NRXN3: variants seen among roughly 807,000 people sequenced by gnomAD.
The protein encoded by NRXN3 is neurexin 3.
NRXN3 carries 32 observed loss-of-function variants against 137.6 expected under a neutral mutation model. The observed-to-expected ratio is 0.23, with a 90% CI of 0.18 to 0.31. The LOEUF (loss-of-function observed/expected upper bound fraction) is 0.31, where lower values mean the gene tolerates loss of function less well. NRXN3 is among the 10% of genes least tolerant of loss of function. The probability of loss-of-function intolerance (pLI) is 1.00; values close to 1 mark genes in which losing one functional copy is unlikely to be tolerated. For synonymous variants in NRXN3, 798 were observed against 784.5 expected, an observed-to-expected ratio of 1.02 and a Z score of -0.29; for missense variants, 1,574 against 2,062.5, an observed-to-expected ratio of 0.76 and a Z score of 4.59.
intron 4 of NRXN3, among the ~76,000 whole-genome samples, chr14:78,418,628 A>C (rs1208573671): frequency 6.6e-6 from 1 of 152,164 alleles, no homozygotes; most frequent in African/African-American, 2.4e-5. Flanking sequence ...AGGAGGAAAA[A>C]GGTAGGCTGC....
chr14:78,475,419 C>T (rs2095362038), intron 4 of NRXN3, among the ~76,000 whole-genome samples: 1 of 152,252 alleles, frequency 6.6e-6, no homozygotes, highest in South Asian at 2.1e-4. Context: ...GTACCCAGAG[C>T]ATGTTGCATG....
chr14:79,280,608 G>T, intron 15 of NRXN3: 1 of 1,394,754 alleles, frequency 7.2e-7, no homozygotes, highest in Admixed American at 1.9e-5. Context: ...CTTGCAGGTA[G>T]TGTCAAAGGT....
At chr14:79,094,467 T>G (rs1353250640) in intron 15 of NRXN3, among the ~76,000 whole-genome samples, 3 of 152,248 alleles carry the variant, frequency 2.0e-5, no homozygotes, top group Non-Finnish European at 4.4e-5. Flanking sequence ...TAGATGCGAT[T>G]GAATCACAAT....
chr14:79,136,970 C>A (rs1037079755), intron 15 of NRXN3, among the ~76,000 whole-genome samples: 1 of 152,196 alleles, frequency 6.6e-6, no homozygotes, highest in African/African-American at 2.4e-5. Context: ...TTCTGGAAAG[C>A]TTTGGCAGGG....
Position 79,047,639 on chromosome 14 carries a change from T to C in NRXN3, c.3262+59498T>C, listed in dbSNP as rs2099634980. Among the ~76,000 whole-genome samples, 3 of 152,178 alleles carry C rather than the reference T, an allele frequency of 2.0e-5. No individual in the cohort carries two copies. The South Asian group carries it at 6.2e-4, about 32-fold the overall frequency. On this transcript the variant is annotated intron_variant, in intron 15 of 20. Transcript: ENST00000335750. ...ACACAAACAATAAAAATAGGCACTTTATAAAAAAGATACGTGAATGGTCAA... is the reference window on the plus strand; with the variant it reads ...ACACAAACAATAAAAATAGGCACTTCATAAAAAAGATACGTGAATGGTCAA...
At chr14:79,821,920 T>C (rs2099273868) in intron 20 of NRXN3, among the ~76,000 whole-genome samples, 1 of 152,140 alleles carries the variant, frequency 6.6e-6, no homozygotes, top group Admixed American at 6.5e-5. Flanking sequence ...TTAAGATTTT[T>C]TTTATTGTAT....
chr14:79,330,833 G>A (rs938183012), intron 15 of NRXN3, among the ~76,000 whole-genome samples: 1 of 152,198 alleles, frequency 6.6e-6, no homozygotes, highest in African/African-American at 2.4e-5. Flanking sequence ...AAGATTGAGA[G>A]GTCCATGTCT....
At chr14:79,308,895 T>TTTTA (rs1555368439) in intron 15 of NRXN3, among the ~76,000 whole-genome samples, 204 of 145,316 alleles carry the variant, frequency 1.4e-3, no homozygotes, top group African/African-American at 5.0e-3. Context: ...ATTTTATTTT[T>TTTTA]TTTTATTTTA....
intron 19 of NRXN3, among the ~76,000 whole-genome samples, chr14:79,703,605 GGAGA>G (rs1555644965): frequency 6.6e-6 from 1 of 152,012 alleles, no homozygotes; most frequent in Non-Finnish European, 1.5e-5. Context: ...CATGATGGCC[GGAGA>G]GAGAAAGGAG....
chr14:79,677,534 A>C (rs2098647172), intron 17 of NRXN3, among the ~76,000 whole-genome samples: 1 of 152,100 alleles, frequency 6.6e-6, no homozygotes, highest in Non-Finnish European at 1.5e-5. Flanking sequence ...CTGGATCTCT[A>C]GAATCGGTAA....
chr14:78,649,103 C>T (rs1238323105), intron 5 of NRXN3, among the ~76,000 whole-genome samples: 1 of 152,034 alleles, frequency 6.6e-6, no homozygotes, highest in East Asian at 1.9e-4. Flanking sequence ...GTGTCGGGTG[C>T]CTTTTTTTTG....
intron 16 of NRXN3, among the ~76,000 whole-genome samples, chr14:79,658,533 A>G (rs2098517611): frequency 6.6e-6 from 1 of 152,208 alleles, no homozygotes; most frequent in Non-Finnish European, 1.5e-5. Flanking sequence ...CTCAGGAATG[A>G]TACTCAATTT....
chr14:78,863,098 C>T (rs2099077250), intron 10 of NRXN3, among the ~76,000 whole-genome samples: 1 of 152,136 alleles, frequency 6.6e-6, no homozygotes, highest in Non-Finnish European at 1.5e-5. Flanking sequence ...ATGATGAAGT[C>T]CTTTATTTCG....
In NRXN3 at chr14:78,302,836, C is replaced by T. The variant is rs542363437; in HGVS notation, c.757+4976C>T. On this transcript the variant is annotated intron_variant, in intron 4 of 20. Coordinates refer to ENST00000335750, the MANE Select transcript of NRXN3 (RefSeq NM_001330195.2). Reference sequence around the variant, plus strand: ...TCCTAGGCAATTGGTAGAGAGAGAGCTTGTTGAGACTCTCCTCCAGAATGT... The same window carrying T: ...TCCTAGGCAATTGGTAGAGAGAGAGTTTGTTGAGACTCTCCTCCAGAATGT... Among the ~76,000 whole-genome samples the T allele has an allele frequency of 5.9e-3, 901 of 152,284 alleles. 10 individuals are homozygous for T. The highest frequency in any genetic ancestry group is 0.019 in the African/African-American group (801 of 41,562).
At chr14:79,091,850 CA>C (rs1010664596) in intron 15 of NRXN3, among the ~76,000 whole-genome samples, 34 of 145,476 alleles carry the variant, frequency 2.3e-4, no homozygotes, top group East Asian at 8.0e-4. Flanking sequence ...GCTCTGGGGA[CA>C]AAAAAAAAAT....
At chr14:79,790,415 G>A (rs904352751) in intron 19 of NRXN3, among the ~76,000 whole-genome samples, 2 of 152,080 alleles carry the variant, frequency 1.3e-5, no homozygotes, top group African/African-American at 4.8e-5. Flanking sequence ...CAATCCTGCT[G>A]CCTTAGCTTC....
intron 17 of NRXN3, among the ~76,000 whole-genome samples, chr14:79,679,831 T>A (rs1392814384): frequency 1.3e-5 from 2 of 152,200 alleles, no homozygotes; most frequent in Non-Finnish European, 2.9e-5. Context: ...GCCCTAATTT[T>A]AAAAAATGCT....
At chr14:78,752,367 G>A (rs1595514266) in intron 8 of NRXN3, among the ~76,000 whole-genome samples, 1 of 152,350 alleles carries the variant, frequency 6.6e-6, no homozygotes, top group African/African-American at 2.4e-5. Context: ...AGTGAGCTGA[G>A]ATGGCACCAC....
chr14:79,544,655 A>G (rs754935406), intron 16 of NRXN3, among the ~76,000 whole-genome samples: 1 of 138,186 alleles, frequency 7.2e-6, no homozygotes, highest in Non-Finnish European at 1.5e-5. Context: ...GTGGGTTTCA[A>G]TAGTTCTATG....
Sources: allele counts gnomAD v4.1 joint callset (sites outside exome capture counted in the v4.1 genomes callset), GRCh38; gene constraint gnomAD v4.1.1; transcripts MANE v1.5; gene names NCBI Gene and HGNC (gene_info 2026-07-23, HGNC 2026-07-21).